Variants in KHDRBS2 observed in about 807,000 individuals in gnomAD.
KHDRBS2 encodes the protein KH domain-containing, RNA-binding, signal transduction-associated protein 2.
A neutral mutation model predicts 44.3 loss-of-function variants in KHDRBS2; 26 were observed. The observed-to-expected ratio is 0.59, with a 90% CI of 0.43 to 0.81. The LOEUF (loss-of-function observed/expected upper bound fraction) is 0.81. Ranked by LOEUF, KHDRBS2 falls within the 40% of genes least tolerant of loss-of-function variation. The pLI is 0.00. For missense variants in KHDRBS2, 476 were observed against 433.1 expected (o/e 1.10, Z -0.88); for synonymous variants, 194 against 151.1 (o/e 1.28, Z -2.08).
intron 1 of KHDRBS2, among the ~76,000 whole-genome samples, chr6:62,233,732 A>G (rs554995003): frequency 2.0e-4 from 31 of 152,126 alleles, no homozygotes; most frequent in Non-Finnish European, 4.0e-4. Flanking sequence ...AAGTGAGAAC[A>G]TGTGGTATTT....
chr6:61,890,230 A>G (rs1801613169), intron 6 of KHDRBS2, among the ~76,000 whole-genome samples: 1 of 152,248 alleles, frequency 6.6e-6, no homozygotes, highest in African/African-American at 2.4e-5. Context: ...GATTGAATAA[A>G]TAAAAGCAAG....
At position 61,848,481 on chromosome 6, in the gene KHDRBS2, A is replaced by ATG; in HGVS notation, c.810+46153_810+46154insCA. 3.8e-5 allele frequency among the ~76,000 whole-genome samples: 2 copies of ATG among 52,140 alleles called. 1 individual carries two copies. Among genetic ancestry groups the ATG allele is most frequent in the South Asian group, 1.4e-3 (2 of 1,480 alleles). 34.2% of individuals were successfully genotyped at this position (52,140 alleles called of 152,430 possible). A position where few individuals can be genotyped will look rare whatever the true frequency, so the allele number is the denominator to read the frequency against. On this transcript the variant is annotated intron_variant, in intron 6 of 8. Transcript: ENST00000281156. The stretch of plus-strand genomic sequence containing the variant: ...AGAAATGGAGGTTTTATATATATAT[A>ATG]TATATATATGTATATATATATATAT...
intron 3 of KHDRBS2, among the ~76,000 whole-genome samples, chr6:62,044,652 A>G (rs1312831750): frequency 6.6e-6 from 1 of 152,066 alleles, no homozygotes; most frequent in Non-Finnish European, 1.5e-5. Flanking sequence ...TCACCTATCT[A>G]TGAAACCACA....
intron 6 of KHDRBS2, among the ~76,000 whole-genome samples, chr6:61,772,575 A>C (rs1781126290): frequency 6.6e-6 from 1 of 152,180 alleles, no homozygotes; most frequent in Admixed American, 6.5e-5. Flanking sequence ...GAAATGGATA[A>C]ATTCCTTGAC....
intron 4 of KHDRBS2, among the ~76,000 whole-genome samples, chr6:61,964,879 AC>A (rs1178875770): frequency 6.6e-6 from 1 of 152,110 alleles, no homozygotes; most frequent in Non-Finnish European, 1.5e-5. Flanking sequence ...GATAAAAGAT[AC>A]TTTAGTCAAA....
At chr6:61,544,767 T>C in the KHDRBS2 span, among the ~76,000 whole-genome samples, 1 of 152,038 alleles carries the variant, frequency 6.6e-6, no homozygotes, top group Admixed American at 6.6e-5. Context: ...ATGATGAGTT[T>C]GTGTCCTTTG....
intron 3 of KHDRBS2, among the ~76,000 whole-genome samples, chr6:62,015,083 C>T (rs1780970551): frequency 6.6e-6 from 1 of 152,056 alleles, no homozygotes; most frequent in South Asian, 2.1e-4. Flanking sequence ...AATGTTAATG[C>T]AACAAGGGAC....
At chr6:62,276,689 C>T (rs1401880765) in intron 1 of KHDRBS2, among the ~76,000 whole-genome samples, 1 of 152,134 alleles carries the variant, frequency 6.6e-6, no homozygotes, top group African/African-American at 2.4e-5. Flanking sequence ...TTTATGATAT[C>T]ATATAATAAT....
chr6:62,066,644 T>C (rs1482263557), intron 2 of KHDRBS2, among the ~76,000 whole-genome samples: 1 of 151,672 alleles, frequency 6.6e-6, no homozygotes, highest in African/African-American at 2.4e-5. Flanking sequence ...GAAATAAATA[T>C]ATATGCTTAT....
intron 2 of KHDRBS2, among the ~76,000 whole-genome samples, chr6:62,056,774 G>C (rs1192978005): frequency 1.3e-5 from 2 of 151,896 alleles, no homozygotes; most frequent in African/African-American, 4.8e-5. Flanking sequence ...GTCTCCACCA[G>C]GAATGCTTAA....
the KHDRBS2 span, among the ~76,000 whole-genome samples, chr6:61,573,616 C>A: frequency 6.6e-6 from 1 of 151,994 alleles, no homozygotes; most frequent in Non-Finnish European, 1.5e-5. Context: ...ATGGAGAAAC[C>A]CTGTCTCTAC....
At chr6:62,117,446 ATTAT>A in intron 2 of KHDRBS2, among the ~76,000 whole-genome samples, 1 of 152,238 alleles carries the variant, frequency 6.6e-6, no homozygotes, top group Non-Finnish European at 1.5e-5. Context: ...TTAAAATCAA[ATTAT>A]TTGTGACTTT....
intron 4 of KHDRBS2, among the ~76,000 whole-genome samples, chr6:61,931,315 T>C (rs995429094): frequency 6.6e-6 from 1 of 151,990 alleles, no homozygotes; most frequent in Non-Finnish European, 1.5e-5. Flanking sequence ...TTCAGGTAAC[T>C]AAACTTTTTA....
chr6:61,663,500 C>CATATATATATATATATATATATATGTAT, the KHDRBS2 span, among the ~76,000 whole-genome samples: 2 of 35,970 alleles, frequency 5.6e-5, no homozygotes, highest in Admixed American at 4.9e-4. Flanking sequence ...CATGAGACAC[C>CATATATATATATATATATATATATGTAT]ATATATATAT....
intron 1 of KHDRBS2, among the ~76,000 whole-genome samples, chr6:62,244,758 T>G (rs1193032851): frequency 1.3e-5 from 2 of 152,150 alleles, no homozygotes; most frequent in Non-Finnish European, 2.9e-5. Context: ...GTCAGCCTTT[T>G]TGTATCTACT....
At chr6:62,187,940 C>A (rs1350254178) in intron 1 of KHDRBS2, among the ~76,000 whole-genome samples, 7 of 152,008 alleles carry the variant, frequency 4.6e-5, no homozygotes, top group Non-Finnish European at 1.0e-4. Flanking sequence ...GTGCCAGCAT[C>A]TGCTTGGCTT....
the KHDRBS2 span, among the ~76,000 whole-genome samples, chr6:61,565,293 A>T: frequency 6.6e-6 from 1 of 152,198 alleles, no homozygotes; most frequent in Non-Finnish European, 1.5e-5. Context: ...AAGCACAGGC[A>T]ATCAAAGCAA....
At chr6:61,672,298 A>G in the KHDRBS2 span, among the ~76,000 whole-genome samples, 5 of 152,136 alleles carry the variant, frequency 3.3e-5, no homozygotes, top group South Asian at 2.1e-4. Flanking sequence ...TAATGCCGCA[A>G]TAAACATACG....
At chr6:62,178,307 G>T (rs1296413870) in intron 1 of KHDRBS2, among the ~76,000 whole-genome samples, 1 of 151,530 alleles carries the variant, frequency 6.6e-6, no homozygotes, top group Non-Finnish European at 1.5e-5. Flanking sequence ...TGGAATAGAA[G>T]AAGCAAGAAA....
Sources: allele counts gnomAD v4.1 joint callset (sites outside exome capture counted in the v4.1 genomes callset), GRCh38; gene constraint gnomAD v4.1.1; transcripts MANE v1.5; gene names NCBI Gene and HGNC (gene_info 2026-07-23, HGNC 2026-07-21).